The following PWWP3A variants were observed in gnomAD, a reference collection of about 807,000 sequenced individuals.
PWWP3A encodes the protein PWWP domain containing 3A, DNA repair factor, also known as PWWP domain-containing DNA repair factor 3A.
In PWWP3A, 53 loss-of-function variants were observed where a neutral mutation model predicts 79.0. The ratio of observed to expected loss-of-function variants is 0.67; its 90% CI spans 0.54 to 0.84. The LOEUF (loss-of-function observed/expected upper bound fraction) is 0.84, where lower values mean the gene tolerates loss of function less well. Ranked by LOEUF, PWWP3A falls within the 40% of genes least tolerant of loss-of-function variation. The pLI is 0.00. For synonymous variants in PWWP3A, 443 were observed against 394.4 expected (o/e 1.12, Z -1.46); for missense variants, 973 against 948.0 (o/e 1.03, Z -0.35).
At chr19:1,363,204 A>T (rs2082057748) in intron 6 of PWWP3A, among the ~76,000 whole-genome samples, 2 of 152,136 alleles carry the variant, frequency 1.3e-5, no homozygotes, top group Non-Finnish European at 2.9e-5. Flanking sequence ...TGGCCTTGTT[A>T]TGTCGTTCTT....
chr19:1,362,201 A>C (rs757541190), intron 5 of PWWP3A, 49 bp from the exon 6 acceptor site: 3 of 1,521,122 alleles, frequency 2.0e-6, no homozygotes, highest in Non-Finnish European at 2.7e-6. Flanking sequence ...GGGATGAGTC[A>C]TCAAGACAAT....
intron 6 of PWWP3A, chr19:1,364,028 T>A: frequency 2.4e-6 from 1 of 410,672 alleles, no homozygotes; most frequent in Non-Finnish European, 4.9e-6. Flanking sequence ...TAGTTATGAT[T>A]TAAATAATTT....
intron 12 of PWWP3A, chr19:1,372,338 ACTCTG>A (rs1163361452): frequency 1.3e-5 from 2 of 152,156 alleles, no homozygotes; most frequent in Admixed American, 6.6e-5. Context: ...AGTGGGAGAG[ACTCTG>A]CTCTGAACCG....
chr19:1,371,107 G>A, intron 12 of PWWP3A, 29 bp downstream of exon 12: 4 of 1,548,786 alleles, frequency 2.6e-6, no homozygotes, highest in South Asian at 1.2e-5. Context: ...TGTCACGTGG[G>A]CAGGGAGGGG....
intron 12 of PWWP3A, chr19:1,371,532 C>T (rs1341950614): frequency 1.9e-5 from 12 of 630,048 alleles, no homozygotes; most frequent in Non-Finnish European, 3.5e-5. Context: ...AAGTTAAACA[C>T]ACAAATTAGA....
In PWWP3A at chr19:1,360,729, G is replaced by A; in HGVS notation, c.808G>A (p.Gly270Arg). The change falls in exon 5 of 14, where the codon GGA (glycine) becomes AGA (arginine). Residue 270 changes from glycine (G) to arginine (R), a missense_variant. Gly to Arg is a moderately radical substitution (Grantham distance 125). Coordinates refer to ENST00000591337, the MANE Select transcript of PWWP3A (RefSeq NM_001369789.1). The surrounding 1 kb of genome is among the most constrained non-coding windows in gnomAD (Gnocchi z 4.4). ...REDDPCANAE[G>R]HDPGLPLGSL... Reference sequence around the variant, plus strand: ...GGACGATCCCTGTGCCAACGCTGAGGGACACGACCCCGGTCTGCCGTTGGG... The same window carrying A: ...GGACGATCCCTGTGCCAACGCTGAGAGACACGACCCCGGTCTGCCGTTGGG... 3.1e-6 allele frequency: 5 copies of A among 1,613,142 alleles called. No individual in the cohort carries two copies. The highest frequency in any genetic ancestry group is 4.2e-6 in the Non-Finnish European group (5 of 1,179,864).
rs774261089 is a variant in PWWP3A at position 1,371,246 on chromosome 19, C to G, written c.1986+168C>G. On this transcript the variant is annotated intron_variant, in intron 12 of 13. Transcript: ENST00000591337. Reference sequence around the variant, plus strand: ...TACATCCTGTCAGTGCTGGGAAATGCGAGTGCGTGCGCTTGACCCTGTGCG... The same window carrying G: ...TACATCCTGTCAGTGCTGGGAAATGGGAGTGCGTGCGCTTGACCCTGTGCG... 42 of 793,362 alleles carry G rather than the reference C, an allele frequency of 5.3e-5. 1 individual carries two copies. In the East Asian group the frequency reaches 1.1e-3, roughly 21 times the overall value. 49.1% of individuals were successfully genotyped at this position (793,362 alleles called of 1,614,324 possible).
Position 1,370,910 on chromosome 19 carries a change from G to T in PWWP3A, c.1818G>T (p.Leu606=). The change falls in exon 12 of 14, where the codon CTG becomes CTT. Residue 606 remains leucine (L), a synonymous_variant. Coordinates refer to ENST00000591337, the MANE Select transcript of PWWP3A (RefSeq NM_001369789.1). ...CATCTCGCTGGCTGCAGACCTTCCTGAGCTCCAGCCAGTACGTGACCTGTG... is the reference window on the plus strand; with the variant it reads ...CATCTCGCTGGCTGCAGACCTTCCTTAGCTCCAGCCAGTACGTGACCTGTG... ...RKPSRWLQTF[L]SSSQYVTCVE... 1 of 1,555,654 alleles carries T rather than the reference G, an allele frequency of 6.4e-7. No individual in the cohort carries two copies. Among genetic ancestry groups the T allele is most frequent in the Non-Finnish European group, 8.7e-7 (1 of 1,149,250 alleles).
chr19:1,358,217 G>A, intron 3 of PWWP3A, 177 bp from the exon 4 acceptor site: 1 of 526,688 alleles, frequency 1.9e-6, no homozygotes, highest in Non-Finnish European at 3.3e-6. Context: ...ATTCACCAGG[G>A]TTCTTGCTGC....
chr19:1,356,372 C>T lies in PWWP3A; in HGVS notation c.-21C>T. 6.2e-7 allele frequency: 1 copy of T among 1,613,842 alleles called. No homozygotes were observed. Among genetic ancestry groups the T allele is most frequent in the Non-Finnish European group, 8.5e-7 (1 of 1,179,668 alleles). On this transcript the variant is annotated 5_prime_UTR_variant, in exon 2 of 14. Coordinates refer to ENST00000591337, the MANE Select transcript of PWWP3A (RefSeq NM_001369789.1). ...AGTACGTTGTGCCAAATCATTGCCA[C>T]TTGCCACATGAGTGTAAATGATGGC...
intron 11 of PWWP3A, 84 bp from the exon 12 acceptor site, chr19:1,370,558 C>T (rs975520297): frequency 1.6e-5 from 20 of 1,267,194 alleles, no homozygotes; most frequent in South Asian, 1.8e-5. Context: ...CCTGCCATGT[C>T]GCAGCCTCCC....
intron 13 of PWWP3A, among the ~76,000 whole-genome samples, chr19:1,375,566 A>AATAATAATTTTATATATTGT (rs1568965688): frequency 1.2e-5 from 1 of 81,324 alleles, no homozygotes; most frequent in Non-Finnish European, 2.2e-5. Context: ...TTATATATAA[A>AATAATAATTTTATATATTGT]ATATATTATA....
At chr19:1,376,326 T>TTTG (rs2082400074) in intron 13 of PWWP3A, among the ~76,000 whole-genome samples, 193 bp from the exon 14 acceptor site, 1 of 134,268 alleles carries the variant, frequency 7.4e-6, no homozygotes, top group Non-Finnish European at 1.6e-5. Flanking sequence ...TTTTTTTTTT[T>TTTG]GGTATTTTTT....
At chr19:1,375,537 T>TATATATAAAATATA (rs1162661703) in intron 13 of PWWP3A, among the ~76,000 whole-genome samples, 52,238 of 93,998 alleles carry the variant, frequency 0.56, 12,890 homozygotes, top group Middle Eastern at 0.65. Context: ...ATTTATATAT[T>TATATATAAAATATA]TTATATATAA....
At chr19:1,356,656 TAAAAA>T (rs11396582) in intron 2 of PWWP3A, among the ~76,000 whole-genome samples, 3 of 141,636 alleles carry the variant, frequency 2.1e-5, no homozygotes, top group African/African-American at 5.2e-5. Flanking sequence ...TTTTTCACAC[TAAAAA>T]AAAAAAAAGA....
In PWWP3A at chr19:1,376,751, C is replaced by T. The variant is rs2082412094; in HGVS notation, c.*175C>T. On this transcript the variant is annotated 3_prime_UTR_variant, in exon 14 of 14. Transcript: ENST00000591337. ...TTCTGGAGAATCCATTTCGTTAACA[C>T]TGAAAGCCAGTTCTCTTTTCCTGGC... is the stretch of plus-strand genomic sequence containing the variant. 4 of 510,500 alleles carry T rather than the reference C, an allele frequency of 7.8e-6. No individual in the cohort carries two copies. Among genetic ancestry groups the T allele is most frequent in the Non-Finnish European group, 3.5e-6 (1 of 288,598 alleles). The allele number at this position is 510,500 out of a possible 1,614,324, so 31.6% of individuals were successfully genotyped here.
Position 1,360,637 on chromosome 19 carries a change from C to T in PWWP3A, c.716C>T (p.Thr239Met), listed in dbSNP as rs745833078. ...GGATCTTCCCTTTCAGAGGACGACA[C>T]GGAGAGAGACATGGGGAGCAAAGGA... is the stretch of plus-strand genomic sequence containing the variant. ...LNGSSLSEDDTERDMGSKGGS... is the reference protein window; with the variant it reads ...LNGSSLSEDDMERDMGSKGGS... The change falls in exon 5 of 14, where the codon ACG (threonine) becomes ATG (methionine). Residue 239 changes from threonine (T) to methionine (M), a missense_variant. By Grantham distance (81) the Thr-to-Met change is moderately conservative. Transcript: ENST00000591337. This position sits in a 1 kb window ranked among gnomAD's most constrained non-coding sequence, Gnocchi z 4.4. 9.3e-6 allele frequency: 15 copies of T among 1,613,338 alleles called. No individual in the cohort carries two copies. Among genetic ancestry groups the T allele is most frequent in the South Asian group, 6.6e-5 (6 of 90,998 alleles).
chr19:1,363,243 C>T (rs2082058984), intron 6 of PWWP3A, among the ~76,000 whole-genome samples: 1 of 152,222 alleles, frequency 6.6e-6, no homozygotes, highest in Admixed American at 6.5e-5. Flanking sequence ...GAGTGCTTTT[C>T]CATCATTGAA....
intron 9 of PWWP3A, among the ~76,000 whole-genome samples, chr19:1,367,894 G>T (rs1481248296): frequency 6.6e-6 from 1 of 152,202 alleles, no homozygotes; most frequent in Non-Finnish European, 1.5e-5. Flanking sequence ...AAAAGTGGTT[G>T]TGTCTTTTCC....
Sources: allele counts gnomAD v4.1 joint callset (sites outside exome capture counted in the v4.1 genomes callset), GRCh38; gene constraint gnomAD v4.1.1; non-coding constraint Gnocchi (gnomAD v3.1); transcripts MANE v1.5; gene names NCBI Gene and HGNC (gene_info 2026-07-23, HGNC 2026-07-21).